Variants in ERCC4 observed in about 807,000 individuals in gnomAD.
The protein encoded by ERCC4 is ERCC excision repair 4, endonuclease catalytic subunit, also known as DNA repair endonuclease XPF.
In ERCC4, 65 loss-of-function variants were observed where a neutral mutation model predicts 76.9. The observed-to-expected ratio is 0.84, with a 90% CI of 0.69 to 1.04. The LOEUF is 1.04. ERCC4 is among the 50% of genes least tolerant of loss of function. ERCC4 has a pLI of 0.00. For missense variants in ERCC4, 1,214 were observed against 1,128.2 expected (o/e 1.08, Z -1.09); for synonymous variants, 463 against 410.1 (o/e 1.13, Z -1.56).
chr16:13,936,950 T>TG (rs2032310998), intron 8 of ERCC4, among the ~76,000 whole-genome samples: 1 of 150,120 alleles, frequency 6.7e-6, no homozygotes, highest in African/African-American at 2.5e-5. Flanking sequence ...CTTGCCCAGA[T>TG]GCCCAGACTG....
At chr16:13,937,343 G>C (rs3136162) in intron 8 of ERCC4, among the ~76,000 whole-genome samples, 24 of 151,866 alleles carry the variant, frequency 1.6e-4, no homozygotes, top group Non-Finnish European at 3.2e-4. Context: ...GTTAAGACAT[G>C]AATTAAAAAA....
At chr16:13,942,928 G>A (rs2032443028) in intron 9 of ERCC4, among the ~76,000 whole-genome samples, 1 of 152,214 alleles carries the variant, frequency 6.6e-6, no homozygotes, top group Admixed American at 6.5e-5. Flanking sequence ...GAGTGCAATA[G>A]AGAGAATGGA....
rs1289813392 is a variant in ERCC4, at chr16:13,947,728, T to C, written c.2132T>C (p.Leu711Ser). ...GGCATTGACATTGAACCCGTGACTTTAGAGGTTGGAGATTACATCCTCACT... is the reference window on the plus strand; with the variant it reads ...GGCATTGACATTGAACCCGTGACTTCAGAGGTTGGAGATTACATCCTCACT... The part of the protein sequence containing the change: ...RRGIDIEPVT[L>S]EVGDYILTPE... Residue 711 changes from leucine to serine, a missense_variant, in exon 11 of 11, where the codon TTA becomes TCA. Transcript: ENST00000311895. The C allele has an allele frequency of 1.9e-6, 3 of 1,614,248 alleles. No individual in the cohort carries two copies. Among genetic ancestry groups the C allele is most frequent in the Admixed American group, 1.7e-5 (1 of 60,030 alleles).
At chr16:13,934,874 G>A in intron 7 of ERCC4, 2 of 360,392 alleles carry the variant, frequency 5.5e-6, no homozygotes. Context: ...TAATTAAAAA[G>A]AACTTCTTTA....
In ERCC4 at chr16:13,920,354, C is replaced by A; in HGVS notation, c.189C>A (p.Asn63Lys). 1 of 1,588,250 alleles carries A rather than the reference C, an allele frequency of 6.3e-7. No individual in the cohort carries two copies. Among genetic ancestry groups the A allele is most frequent in the Non-Finnish European group, 8.5e-7 (1 of 1,174,398 alleles). ...CAGCCTGCCTGGTGCTGGTGCTCAACACGCAGCCGGCCGAGGAGGTGCGGC... is the reference window on the plus strand; with the variant it reads ...CAGCCTGCCTGGTGCTGGTGCTCAAAACGCAGCCGGCCGAGGAGGTGCGGC... The part of the protein sequence containing the change: ...CHPACLVLVL[N>K]TQPAEEEYFI... The change falls in exon 1 of 11, where the codon AAC becomes AAA. Residue 63 changes from asparagine (N) to lysine (K), a missense_variant. Coordinates refer to ENST00000311895, the MANE Select transcript of ERCC4 (RefSeq NM_005236.3).
rs778971103 is a variant in ERCC4 at position 13,947,873 on chromosome 16, T to G, written c.2277T>G (p.Ile759Met). 1.3e-5 allele frequency: 21 copies of G among 1,614,234 alleles called. No individual in the cohort carries two copies. The South Asian group carries it at 2.3e-4, about 18-fold the overall frequency. ...ACTACAAGCGTCCCGTGCTTCTGATTGAGTTTGACCCTAGCAAGCCTTTCT... is the reference window on the plus strand; with the variant it reads ...ACTACAAGCGTCCCGTGCTTCTGATGGAGTTTGACCCTAGCAAGCCTTTCT... ...SRYYKRPVLL[I>M]EFDPSKPFSL... Residue 759 changes from isoleucine to methionine, a missense_variant, in exon 11 of 11, where the codon ATT becomes ATG. Ile to Met is a conservative substitution (Grantham distance 10, BLOSUM62 1). Transcript: ENST00000311895.
At chr16:13,942,283 G>A (rs939023761) in intron 9 of ERCC4, among the ~76,000 whole-genome samples, 2 of 152,090 alleles carry the variant, frequency 1.3e-5, no homozygotes, top group African/African-American at 4.8e-5. Flanking sequence ...TGCTTAGGAA[G>A]GCTTATTTTC....
At chr16:13,934,592 C>A (rs1375733499) in intron 7 of ERCC4, 3 of 378,506 alleles carry the variant, frequency 7.9e-6, no homozygotes, top group African/African-American at 4.2e-5. Flanking sequence ...CTTAGAACTT[C>A]TATTTAAAGA....
intron 8 of ERCC4, among the ~76,000 whole-genome samples, 198 bp from the exon 9 acceptor site, chr16:13,937,568 T>C (rs779023976): frequency 2.6e-5 from 4 of 152,218 alleles, no homozygotes; most frequent in African/African-American, 4.8e-5. Flanking sequence ...AAAAATGCCC[T>C]GTGTGGTAAC....
chr16:13,941,936 A>C (rs2032420203), intron 9 of ERCC4, among the ~76,000 whole-genome samples: 1 of 152,224 alleles, frequency 6.6e-6, no homozygotes, highest in Non-Finnish European at 1.5e-5. Context: ...ATAACATTGA[A>C]GACTGGGTGC....
chr16:13,937,160 C>T (rs2032316999), intron 8 of ERCC4, among the ~76,000 whole-genome samples: 1 of 146,706 alleles, frequency 6.8e-6, no homozygotes, highest in Admixed American at 7.0e-5. Context: ...AAATGATCCT[C>T]CCACCTCAGC....
chr16:13,947,988 C>G lies in ERCC4; in HGVS notation c.2392C>G (p.Leu798Val), dbSNP rs369736388. 5.6e-6 allele frequency: 9 copies of G among 1,614,190 alleles called. No homozygotes were observed. The African/African-American group carries it at 1.2e-4, about 22-fold the overall frequency. The change falls in exon 11 of 11, where the codon CTA becomes GTA. Residue 798 changes from leucine to valine, a missense_variant. Coordinates refer to ENST00000311895, the MANE Select transcript of ERCC4 (RefSeq NM_005236.3). Reference sequence around the variant, plus strand: ...TCTTCTTACACTTCACTTCCCCAGACTACGGATTCTCTGGTGCCCCTCTCC... The same window carrying G: ...TCTTCTTACACTTCACTTCCCCAGAGTACGGATTCTCTGGTGCCCCTCTCC... ...LTLLTLHFPR[L>V]RILWCPSPHA...
At position 13,920,362 on chromosome 16, in the gene ERCC4, C is replaced by G; in HGVS notation, c.197C>G (p.Pro66Arg). 6.3e-7 allele frequency: 1 copy of G among 1,581,244 alleles called. No individual in the cohort carries two copies. The highest frequency in any genetic ancestry group is 8.5e-7 in the Non-Finnish European group (1 of 1,171,010). Residue 66 changes from proline (P) to arginine (R), a missense_variant, in exon 1 of 11, where the codon CCG (proline) becomes CGG (arginine). Transcript: ENST00000311895. ...CTGGTGCTGGTGCTCAACACGCAGC[C>G]GGCCGAGGAGGTGCGGCCGCGCTGG... ...ACLVLVLNTQ[P>R]AEEEYFINQL... is the part of the protein sequence containing the mutation.
At chr16:13,929,617 C>A (rs3136104) in intron 4 of ERCC4, among the ~76,000 whole-genome samples, 2,267 of 152,208 alleles carry the variant, frequency 0.015, 58 homozygotes, top group African/African-American at 0.05. Context: ...TATGTAGGTA[C>A]CTACATAGTG....
At chr16:13,942,880 A>C (rs891300152) in intron 9 of ERCC4, among the ~76,000 whole-genome samples, 2 of 152,254 alleles carry the variant, frequency 1.3e-5, no homozygotes, top group Non-Finnish European at 2.9e-5. Context: ...ATAGAAGAGC[A>C]GTAATTTTTT....
At chr16:13,928,928 T>A (rs1596621995) in intron 4 of ERCC4, among the ~76,000 whole-genome samples, 1 of 152,196 alleles carries the variant, frequency 6.6e-6, no homozygotes, top group East Asian at 1.9e-4. Flanking sequence ...AATCTCTATG[T>A]CACTGGCAAT....
At chr16:13,939,086 C>T (rs971778198) in intron 9 of ERCC4, among the ~76,000 whole-genome samples, 10 of 152,136 alleles carry the variant, frequency 6.6e-5, no homozygotes, top group Non-Finnish European at 1.0e-4. Context: ...TTGTTTATGT[C>T]GTATATGTGG....
At chr16:13,939,645 A>G (rs1422434412) in intron 9 of ERCC4, among the ~76,000 whole-genome samples, 2 of 152,162 alleles carry the variant, frequency 1.3e-5, no homozygotes, top group East Asian at 1.9e-4. Flanking sequence ...ACCGCACTGA[A>G]GCATTCTAAG....
intron 9 of ERCC4, among the ~76,000 whole-genome samples, chr16:13,938,786 A>C (rs2032355910): frequency 1.3e-5 from 2 of 152,240 alleles, no homozygotes; most frequent in African/African-American, 4.8e-5. Context: ...CAAAATGGAT[A>C]ACCATTCTGC....
Sources: gnomAD v4.1 joint callset for allele counts (sites outside exome capture counted in the v4.1 genomes callset) on GRCh38, gnomAD v4.1.1 for gene constraint, MANE v1.5 for transcripts, NCBI Gene and HGNC (gene_info 2026-07-23, HGNC 2026-07-21) for gene names.